DGKB: variants seen among roughly 807,000 people sequenced by gnomAD.
The protein encoded by DGKB is diacylglycerol kinase beta.
In DGKB, 67 loss-of-function variants were observed where a neutral mutation model predicts 114.3. The ratio of observed to expected loss-of-function variants is 0.59; its 90% CI spans 0.48 to 0.72. The LOEUF (loss-of-function observed/expected upper bound fraction) is 0.72, where lower values mean the gene tolerates loss of function less well. Among genes scored for constraint, DGKB ranks in the 30% least tolerant of loss-of-function variants. DGKB has a pLI of 0.00. For missense variants in DGKB, 907 were observed against 975.2 expected (o/e 0.93, Z 0.93); for synonymous variants, 398 against 323.1 (o/e 1.23, Z -2.49).
At chr7:14,322,221 A>G (rs1037937950) in intron 23 of DGKB, among the ~76,000 whole-genome samples, 1 of 152,174 alleles carries the variant, frequency 6.6e-6, no homozygotes, top group African/African-American at 2.4e-5. Context: ...GTACAGTGGC[A>G]GGGATGAGTA....
intron 1 of DGKB, among the ~76,000 whole-genome samples, chr7:14,896,255 T>G (rs910024282): frequency 6.6e-6 from 1 of 151,742 alleles, no homozygotes; most frequent in African/African-American, 2.4e-5. Flanking sequence ...GAAAGACCTT[T>G]CCTCATCATT....
chr7:14,461,051 A>G (rs1833001621), intron 21 of DGKB, among the ~76,000 whole-genome samples: 1 of 152,204 alleles, frequency 6.6e-6, no homozygotes, highest in African/African-American at 2.4e-5. Flanking sequence ...TTTGAAATCA[A>G]TTAGAACAAA....
chr7:14,891,070 T>C (rs1475965500), intron 1 of DGKB, among the ~76,000 whole-genome samples: 1 of 151,364 alleles, frequency 6.6e-6, no homozygotes, highest in Non-Finnish European at 1.5e-5. Flanking sequence ...AACGTACAGG[T>C]ACTTGTTCAG....
chr7:14,573,876 G>A (rs1798737765), intron 20 of DGKB, among the ~76,000 whole-genome samples: 1 of 151,904 alleles, frequency 6.6e-6, no homozygotes. Flanking sequence ...CAATAATATG[G>A]AGTTTTAGCT....
intron 23 of DGKB, among the ~76,000 whole-genome samples, chr7:14,188,503 A>C (rs1178692676): frequency 6.9e-6 from 1 of 144,460 alleles, no homozygotes; most frequent in Non-Finnish European, 1.5e-5. Context: ...TACTAAAAAT[A>C]CAAAAAATTA....
chr7:14,536,775 A>ATGC (rs1792568913), intron 20 of DGKB, among the ~76,000 whole-genome samples: 1 of 151,896 alleles, frequency 6.6e-6, no homozygotes, highest in Non-Finnish European at 1.5e-5. Flanking sequence ...GAAGGCAAGG[A>ATGC]TGCTCATTCT....
At chr7:14,685,984 G>A (rs991135289) in intron 9 of DGKB, among the ~76,000 whole-genome samples, 1 of 151,872 alleles carries the variant, frequency 6.6e-6, no homozygotes, top group Non-Finnish European at 1.5e-5. Context: ...TATTTTAAAA[G>A]GCAAACTTTT....
At chr7:14,689,374 A>G (rs868346074) in intron 9 of DGKB, among the ~76,000 whole-genome samples, 2 of 151,566 alleles carry the variant, frequency 1.3e-5, no homozygotes, top group African/African-American at 2.4e-5. Context: ...ACGGGGTTTC[A>G]CCGTGTTAGC....
At chr7:14,320,459 A>G in intron 23 of DGKB, among the ~76,000 whole-genome samples, 1 of 152,120 alleles carries the variant, frequency 6.6e-6, no homozygotes. Context: ...GCCTTAGACT[A>G]CATTGTGATT....
intron 17 of DGKB, among the ~76,000 whole-genome samples, chr7:14,584,590 T>C (rs879255971): frequency 6.6e-6 from 1 of 152,188 alleles, no homozygotes; most frequent in Non-Finnish European, 1.5e-5. Flanking sequence ...TGGAGATGCG[T>C]AACCTGTCCT....
chr7:14,254,211 G>A (rs1795636616), intron 23 of DGKB, among the ~76,000 whole-genome samples: 1 of 152,176 alleles, frequency 6.6e-6, no homozygotes, highest in Non-Finnish European at 1.5e-5. Context: ...CATTGTACCT[G>A]CCTTATACTC....
intron 21 of DGKB, among the ~76,000 whole-genome samples, chr7:14,453,516 T>C (rs1279322117): frequency 2.0e-5 from 3 of 152,222 alleles, no homozygotes; most frequent in Middle Eastern, 3.4e-3. Flanking sequence ...CTACTTAAAA[T>C]AAGTCTCCTT....
At chr7:14,582,650 A>C (rs62443556) in intron 18 of DGKB, among the ~76,000 whole-genome samples, 2 of 151,870 alleles carry the variant, frequency 1.3e-5, no homozygotes, top group South Asian at 2.1e-4. Context: ...ATAACGATAC[A>C]AATGTATACA....
chr7:14,676,416 TA>T (rs750729942), intron 12 of DGKB, among the ~76,000 whole-genome samples: 55 of 151,984 alleles, frequency 3.6e-4, no homozygotes, highest in Non-Finnish European at 6.6e-4. Context: ...TTAAAACAAC[TA>T]AAAGAAGGTA....
chr7:14,659,425 T>A (rs529116694), intron 13 of DGKB, among the ~76,000 whole-genome samples: 6 of 151,882 alleles, frequency 4.0e-5, no homozygotes, highest in Non-Finnish European at 7.4e-5. Context: ...TAGTTTGTAG[T>A]TCTCCTTGAA....
At chr7:14,843,596 A>C (rs569489961) in intron 1 of DGKB, among the ~76,000 whole-genome samples, 1 of 151,746 alleles carries the variant, frequency 6.6e-6, no homozygotes, top group Non-Finnish European at 1.5e-5. Context: ...GGCCTCCCAA[A>C]GTGCTGGGAT....
chr7:14,625,941 G>A (rs1041894090), intron 14 of DGKB, among the ~76,000 whole-genome samples: 1 of 152,066 alleles, frequency 6.6e-6, no homozygotes, highest in Non-Finnish European at 1.5e-5. Flanking sequence ...TCCACAAGTA[G>A]CACAACAGAT....
chr7:14,319,238 G>A (rs2128527842), intron 23 of DGKB, among the ~76,000 whole-genome samples: 1 of 151,676 alleles, frequency 6.6e-6, no homozygotes, highest in Middle Eastern at 3.4e-3. Context: ...GTATACGTAT[G>A]TAACTAACCT....
chr7:14,443,376 C>T lies in DGKB; in HGVS notation c.1835+34785G>A, dbSNP rs569612561. On this transcript the variant is annotated intron_variant, in intron 21 of 25. Transcript: ENST00000402815. Reference sequence around the variant, plus strand: ...CTTTTATACAAGCTGCTTTTCTTCTCGTAAGCAAAACCTTTTATTCTGGGC... The same window carrying T: ...CTTTTATACAAGCTGCTTTTCTTCTTGTAAGCAAAACCTTTTATTCTGGGC... Among the ~76,000 whole-genome samples, 184 of 152,180 alleles carry T rather than the reference C, an allele frequency of 1.2e-3. 1 individual carries two copies. The highest frequency in any genetic ancestry group is 0.01 in the Middle Eastern group (3 of 294).
Sources: gnomAD v4.1 joint callset for allele counts (sites outside exome capture counted in the v4.1 genomes callset) on GRCh38, gnomAD v4.1.1 for gene constraint, MANE v1.5 for transcripts, NCBI Gene and HGNC (gene_info 2026-07-23, HGNC 2026-07-21) for gene names.